The following FAM110B variants were observed in gnomAD, a reference collection of about 807,000 sequenced individuals.
FAM110B encodes the protein protein FAM110B.
In FAM110B, 6 loss-of-function variants were observed where a neutral mutation model predicts 20.4. The ratio of observed to expected loss-of-function variants is 0.29; its 90% CI spans 0.16 to 0.58. FAM110B has a LOEUF of 0.58. FAM110B is among the 20% of genes least tolerant of loss of function. The probability of loss-of-function intolerance (pLI) is 0.90; values close to 1 mark genes in which losing one functional copy is unlikely to be tolerated. For missense variants in FAM110B, 434 were observed against 498.2 expected (o/e 0.87, Z 1.23); for synonymous variants, 226 against 214.1 (o/e 1.06, Z -0.49).
intron 1 of FAM110B, among the ~76,000 whole-genome samples, chr8:58,006,923 A>ATATATATATATATATATATTTTTTTT: frequency 4.7e-5 from 6 of 126,524 alleles, no homozygotes; most frequent in African/African-American, 1.8e-4. Flanking sequence ...ATATATATAT[A>ATATATATATATATATATATTTTTTTT]TTTTTCCAAA....
At chr8:58,143,378 C>G (rs147115074) in intron 3 of FAM110B, among the ~76,000 whole-genome samples, 141 of 152,256 alleles carry the variant, frequency 9.3e-4, no homozygotes, top group African/African-American at 3.2e-3. Context: ...GTCAAAACAT[C>G]ATCACTGTGT....
At chr8:58,120,801 A>G (rs1315822216) in intron 3 of FAM110B, among the ~76,000 whole-genome samples, 2 of 152,214 alleles carry the variant, frequency 1.3e-5, no homozygotes, top group Non-Finnish European at 2.9e-5. Flanking sequence ...TAACTAGGCT[A>G]GATGGAAGAC....
chr8:58,070,464 A>G (rs188030621), intron 2 of FAM110B: 1 of 152,218 alleles, frequency 6.6e-6, no homozygotes, highest in African/African-American at 2.4e-5. Context: ...TCATCTGTTT[A>G]ATCTGATCTT....
intron 2 of FAM110B, among the ~76,000 whole-genome samples, chr8:58,033,787 T>C (rs1024109418): frequency 6.6e-6 from 1 of 152,222 alleles, no homozygotes; most frequent in African/African-American, 2.4e-5. Context: ...TCAGTGTTTT[T>C]TCATCTGTCA....
At chr8:58,089,333 C>A (rs1806416590) in intron 3 of FAM110B, among the ~76,000 whole-genome samples, 1 of 152,176 alleles carries the variant, frequency 6.6e-6, no homozygotes, top group Admixed American at 6.5e-5. Flanking sequence ...TTTCCCTCTG[C>A]TATAGTGCTT....
intron 3 of FAM110B, among the ~76,000 whole-genome samples, chr8:58,123,033 C>G (rs576632230): frequency 4.6e-5 from 7 of 152,270 alleles, no homozygotes; most frequent in African/African-American, 1.4e-4. Context: ...GGAAAGCATC[C>G]TGTGTTCTGT....
At chr8:58,080,752 C>T (rs1043955589) in intron 3 of FAM110B, among the ~76,000 whole-genome samples, 2 of 152,266 alleles carry the variant, frequency 1.3e-5, no homozygotes, top group South Asian at 2.1e-4. Context: ...TAAATATATT[C>T]CTAATCTGCA....
intron 3 of FAM110B, among the ~76,000 whole-genome samples, chr8:58,121,263 G>C (rs1219911202): frequency 6.6e-6 from 1 of 152,150 alleles, no homozygotes; most frequent in South Asian, 2.1e-4. Context: ...AGCTTCAATG[G>C]TCTCACTGAT....
At chr8:58,038,868 G>C (rs759108492) in intron 2 of FAM110B, among the ~76,000 whole-genome samples, 1 of 152,164 alleles carries the variant, frequency 6.6e-6, no homozygotes, top group Non-Finnish European at 1.5e-5. Flanking sequence ...AGAAGAGCTT[G>C]GCATTCAGGA....
intron 1 of FAM110B, among the ~76,000 whole-genome samples, chr8:58,006,706 G>A (rs1804410698): frequency 1.3e-5 from 2 of 150,764 alleles, no homozygotes; most frequent in East Asian, 2.0e-4. Flanking sequence ...AGGTTCAAGC[G>A]ATTATCCTGC....
At chr8:58,043,646 A>G (rs1805262705) in intron 2 of FAM110B, among the ~76,000 whole-genome samples, 1 of 152,126 alleles carries the variant, frequency 6.6e-6, no homozygotes, top group African/African-American at 2.4e-5. Flanking sequence ...TACATCACTA[A>G]TTCTTAAACC....
intron 2 of FAM110B, among the ~76,000 whole-genome samples, chr8:58,060,574 A>AT (rs1272951118): frequency 2.0e-5 from 3 of 151,832 alleles, no homozygotes; most frequent in Non-Finnish European, 1.5e-5. Context: ...CCAATGGAGT[A>AT]TTTTTTTTGC....
chr8:58,016,401 G>T (rs1283251274), intron 1 of FAM110B, among the ~76,000 whole-genome samples: 2 of 152,178 alleles, frequency 1.3e-5, no homozygotes, highest in Non-Finnish European at 2.9e-5. Flanking sequence ...TGTGGCTGGG[G>T]TTGCAGTCAT....
chr8:58,104,550 T>C (rs977104810), intron 3 of FAM110B, among the ~76,000 whole-genome samples: 17 of 152,338 alleles, frequency 1.1e-4, no homozygotes, highest in African/African-American at 3.8e-4. Context: ...TGTAGTAACA[T>C]GCTTGCAGCC....
intron 2 of FAM110B, among the ~76,000 whole-genome samples, chr8:58,040,829 T>C (rs953558920): frequency 2.0e-5 from 3 of 152,140 alleles, no homozygotes; most frequent in Non-Finnish European, 2.9e-5. Context: ...CTTTCTCTAC[T>C]ATCCTTAAGT....
At chr8:58,101,524 A>G in intron 3 of FAM110B, among the ~76,000 whole-genome samples, 1 of 152,302 alleles carries the variant, frequency 6.6e-6, no homozygotes, top group East Asian at 1.9e-4. Flanking sequence ...ACTTTTCATC[A>G]AATAGTAATT....
At chr8:58,050,735 C>T (rs1805422009) in intron 2 of FAM110B, among the ~76,000 whole-genome samples, 1 of 152,178 alleles carries the variant, frequency 6.6e-6, no homozygotes, top group South Asian at 2.1e-4. Flanking sequence ...GCTAGGCCCA[C>T]CCAGATACTC....
intron 2 of FAM110B, among the ~76,000 whole-genome samples, chr8:58,065,391 G>T (rs909876792): frequency 6.6e-6 from 1 of 152,086 alleles, no homozygotes; most frequent in African/African-American, 2.4e-5. Context: ...AAGAATCCCA[G>T]GTACTTTAGG....
chr8:58,024,226 G>A (rs1804811401), intron 1 of FAM110B, among the ~76,000 whole-genome samples: 1 of 146,404 alleles, frequency 6.8e-6, no homozygotes, highest in Non-Finnish European at 1.5e-5. Flanking sequence ...TTTCAACTCG[G>A]TCCAAATAAA....
Sources: gnomAD v4.1 joint callset for allele counts (sites outside exome capture counted in the v4.1 genomes callset) on GRCh38, gnomAD v4.1.1 for gene constraint, MANE v1.5 for transcripts, NCBI Gene and HGNC (gene_info 2026-07-23, HGNC 2026-07-21) for gene names.